Variants in IGSF11 observed in about 807,000 individuals in gnomAD.
IGSF11 encodes CXADR like 1.
IGSF11 carries 22 observed loss-of-function variants against 41.0 expected under a neutral mutation model. That is an observed-to-expected ratio of 0.54 (90% CI 0.38 to 0.77). The LOEUF (loss-of-function observed/expected upper bound fraction) is 0.77, where lower values mean the gene tolerates loss of function less well. Ranked by LOEUF, IGSF11 falls within the 30% of genes least tolerant of loss-of-function variation. The pLI is 0.00. For synonymous variants in IGSF11, 219 were observed against 201.3 expected (o/e 1.09, Z -0.74); for missense variants, 444 against 530.8 (o/e 0.84, Z 1.61).
At chr3:118,963,975 A>G (rs1945506168) in intron 1 of IGSF11, among the ~76,000 whole-genome samples, 1 of 152,158 alleles carries the variant, frequency 6.6e-6, no homozygotes, top group South Asian at 2.1e-4. Flanking sequence ...CTGTCTAAGC[A>G]ATGTTTTTTA....
At chr3:119,067,479 C>T (rs765089353) in intron 1 of IGSF11, among the ~76,000 whole-genome samples, 5 of 152,220 alleles carry the variant, frequency 3.3e-5, no homozygotes, top group African/African-American at 4.8e-5. Flanking sequence ...TCAACTGTAT[C>T]TTTAAGGAAG....
chr3:119,109,218 C>T (rs1284979653), upstream of IGSF11, among the ~76,000 whole-genome samples: 2 of 146,912 alleles, frequency 1.4e-5, no homozygotes, highest in Admixed American at 6.9e-5. Context: ...CCATCTGGTC[C>T]TGGACTCTTT....
chr3:119,126,018 G>C (rs565397874), intron 1 of IGSF11, among the ~76,000 whole-genome samples: 1 of 152,368 alleles, frequency 6.6e-6, no homozygotes, highest in Admixed American at 6.5e-5. Context: ...AACTCCTGTG[G>C]GGAGGGGCGA....
chr3:118,938,417 C>T (rs776560800), intron 1 of IGSF11, among the ~76,000 whole-genome samples: 2 of 152,152 alleles, frequency 1.3e-5, no homozygotes, highest in African/African-American at 2.4e-5. Context: ...ACGATATAAC[C>T]CACTTTACTC....
chr3:119,049,398 A>G (rs1941516304), intron 1 of IGSF11, among the ~76,000 whole-genome samples: 1 of 152,182 alleles, frequency 6.6e-6, no homozygotes, highest in Admixed American at 6.5e-5. Flanking sequence ...CCCATTCACA[A>G]TTGCTTCAAA....
At chr3:119,028,208 A>AT (rs2107727437) in intron 1 of IGSF11, among the ~76,000 whole-genome samples, 1 of 152,306 alleles carries the variant, frequency 6.6e-6, no homozygotes, top group East Asian at 1.9e-4. Context: ...AGTGTGGTCC[A>AT]TAAGGGTATA....
chr3:118,976,461 G>T (rs758621607), intron 1 of IGSF11, among the ~76,000 whole-genome samples: 1 of 152,144 alleles, frequency 6.6e-6, no homozygotes, highest in African/African-American at 2.4e-5. Context: ...TCATTGAAGT[G>T]CCCAAAGCTC....
chr3:119,048,416 T>C (rs1288058259), intron 1 of IGSF11, among the ~76,000 whole-genome samples: 3 of 152,140 alleles, frequency 2.0e-5, no homozygotes, highest in Non-Finnish European at 4.4e-5. Flanking sequence ...GATAAATTCT[T>C]GACACATACA....
At chr3:119,097,393 G>A (rs536556476) in intron 1 of IGSF11, among the ~76,000 whole-genome samples, 3 of 152,136 alleles carry the variant, frequency 2.0e-5, no homozygotes, top group Admixed American at 6.5e-5. Context: ...GAGTAAATTT[G>A]GCATGCTTGG....
intron 1 of IGSF11, among the ~76,000 whole-genome samples, chr3:118,941,184 A>G (rs1943666755): frequency 6.6e-6 from 1 of 152,136 alleles, no homozygotes; most frequent in Non-Finnish European, 1.5e-5. Context: ...AAAAGACACT[A>G]TTAAGAAAAT....
intron 1 of IGSF11, among the ~76,000 whole-genome samples, chr3:118,978,905 C>G (rs1173049777): frequency 6.6e-6 from 1 of 152,114 alleles, no homozygotes; most frequent in Non-Finnish European, 1.5e-5. Flanking sequence ...TGCAAGGGAA[C>G]ACGTTATCCA....
At chr3:118,908,791 C>A (rs1385086308) in intron 4 of IGSF11, among the ~76,000 whole-genome samples, 3 of 152,188 alleles carry the variant, frequency 2.0e-5, no homozygotes, top group Non-Finnish European at 4.4e-5. Context: ...ATCCTTTCTC[C>A]TTAGTTCCAG....
At chr3:119,096,114 T>C (rs1046939879) in intron 1 of IGSF11, among the ~76,000 whole-genome samples, 10 of 152,262 alleles carry the variant, frequency 6.6e-5, no homozygotes, top group Admixed American at 3.3e-4. Context: ...TAGTACTTAG[T>C]AGAAACTCTA....
chr3:118,937,053 C>A (rs1943339620), intron 1 of IGSF11, among the ~76,000 whole-genome samples: 1 of 152,204 alleles, frequency 6.6e-6, no homozygotes, highest in Non-Finnish European at 1.5e-5. Flanking sequence ...GACTATGAAG[C>A]AAGTGCTCAT....
chr3:118,974,736 G>C (rs925598846), intron 1 of IGSF11, among the ~76,000 whole-genome samples: 7 of 151,790 alleles, frequency 4.6e-5, no homozygotes, highest in African/African-American at 7.3e-5. Flanking sequence ...TGAAAATCTG[G>C]TGTGAGGTTT....
intron 1 of IGSF11, among the ~76,000 whole-genome samples, chr3:118,972,189 C>G (rs1933523389): frequency 6.6e-6 from 1 of 152,162 alleles, no homozygotes; most frequent in Non-Finnish European, 1.5e-5. Context: ...TCCTTCTCTC[C>G]AATTCCCAAA....
intron 1 of IGSF11, among the ~76,000 whole-genome samples, chr3:119,111,505 A>C (rs1019701107): frequency 6.6e-6 from 1 of 152,202 alleles, no homozygotes; most frequent in East Asian, 1.9e-4. Context: ...AATTTTTTTC[A>C]AAGTTTTCAA....
intron 1 of IGSF11, among the ~76,000 whole-genome samples, chr3:119,129,652 T>C (rs547663712): frequency 6.6e-6 from 1 of 152,260 alleles, no homozygotes; most frequent in East Asian, 1.9e-4. Context: ...GCAAGCCTCA[T>C]GGTAACCTCA....
chr3:119,034,668 G>A lies in IGSF11; in HGVS notation c.-86C>T. 6.9e-7 allele frequency: 1 copy of A among 1,453,418 alleles called. No individual in the cohort carries two copies. Among genetic ancestry groups the A allele is most frequent in the East Asian group, 2.8e-5 (1 of 36,196 alleles). The allele number at this position is 1,453,418 out of a possible 1,614,324, so 90.0% of individuals were successfully genotyped here. On this transcript the variant is annotated 5_prime_UTR_variant, in exon 1 of 7. Coordinates refer to ENST00000393775, the MANE Select transcript of IGSF11 (RefSeq NM_001015887.3). The stretch of plus-strand genomic sequence containing the variant: ...GCGGGCGTGAGTCTCCGCGCTCTTG[G>A]GGCAGCCTGGTCCTCCCACACCCAG...
Sources: allele counts gnomAD v4.1 joint callset (sites outside exome capture counted in the v4.1 genomes callset), GRCh38; gene constraint gnomAD v4.1.1; transcripts MANE v1.5; gene names NCBI Gene and HGNC (gene_info 2026-07-23, HGNC 2026-07-21).